Variants in GPR39 observed in about 807,000 individuals in gnomAD.
GPR39 encodes the protein G protein-coupled receptor 39, also known as zinc sensing receptor.
A neutral mutation model predicts 18.4 loss-of-function variants in GPR39; 23 were observed. That is an observed-to-expected ratio of 1.25 (90% CI 0.90 to 1.77). The LOEUF (loss-of-function observed/expected upper bound fraction) is 1.77. GPR39 is among the 40% of genes most tolerant of loss of function. GPR39 has a pLI of 0.00. For synonymous variants in GPR39, 280 were observed against 257.9 expected (o/e 1.09, Z -0.82); for missense variants, 647 against 602.4 (o/e 1.07, Z -0.78).
intron 1 of GPR39, among the ~76,000 whole-genome samples, chr2:132,466,320 T>G (rs772271508): frequency 3.9e-5 from 6 of 152,242 alleles, no homozygotes; most frequent in Non-Finnish European, 8.8e-5. Flanking sequence ...TCACAACATT[T>G]AAAAAGAAAG....
chr2:132,617,533 C>A (rs1681359128), intron 1 of GPR39, among the ~76,000 whole-genome samples: 1 of 151,974 alleles, frequency 6.6e-6, no homozygotes. Flanking sequence ...TGTTTATTGC[C>A]ATTAGTATTA....
intron 1 of GPR39, among the ~76,000 whole-genome samples, chr2:132,563,774 G>T (rs1244057910): frequency 6.6e-6 from 1 of 152,170 alleles, no homozygotes; most frequent in Non-Finnish European, 1.5e-5. Flanking sequence ...CTGTTTTTTG[G>T]CACTGGTATT....
Position 132,645,327 on chromosome 2 carries a change from CCGCCTGT to C in GPR39, c.1087_1093del (p.Leu363CysfsTer46). 1 of 1,614,188 alleles carries C rather than the reference CCGCCTGT, an allele frequency of 6.2e-7. No individual in the cohort carries two copies. The highest frequency in any genetic ancestry group is 8.5e-7 in the Non-Finnish European group (1 of 1,180,036). ...GGGTGTTCGTGCAGGTGCTGTGCTGCCGCCTGTCGCTGCAGCACGCCAACCACGAGAA... is the reference window on the plus strand; with the variant it reads ...GGGTGTTCGTGCAGGTGCTGTGCTGCCGCTGCAGCACGCCAACCACGAGAA... On this transcript the variant is annotated frameshift_variant, in exon 2 of 2. Transcript: ENST00000329321. LOFTEE classifies it low-confidence loss of function (END_TRUNC).
chr2:132,458,120 A>G (rs931465829), intron 1 of GPR39, among the ~76,000 whole-genome samples: 1 of 151,942 alleles, frequency 6.6e-6, no homozygotes, highest in Non-Finnish European at 1.5e-5. Flanking sequence ...GCTTCAGCTC[A>G]CCCTCTGTGG....
chr2:132,600,078 G>A lies in GPR39; in HGVS notation c.857-45023G>A, dbSNP rs183769242. Among the ~76,000 whole-genome samples the A allele has an allele frequency of 8.5e-5, 13 of 152,246 alleles. No homozygotes were observed. The East Asian group carries it at 1.4e-3, about 16-fold the overall frequency. On this transcript the variant is annotated intron_variant, in intron 1 of 1. Coordinates refer to ENST00000329321, the MANE Select transcript of GPR39 (RefSeq NM_001508.3). ...TGGAGGTTACCATTATCTTGGCTAC[G>A]CAGAAGCCCTATGAAAAAGTAATCA...
At chr2:132,618,140 A>G (rs995728791) in intron 1 of GPR39, among the ~76,000 whole-genome samples, 5 of 152,160 alleles carry the variant, frequency 3.3e-5, no homozygotes, top group African/African-American at 1.2e-4. Context: ...GAAAAAGAAG[A>G]CATTCCCTAA....
At chr2:132,429,426 T>C (rs1294689650) in intron 1 of GPR39, among the ~76,000 whole-genome samples, 2 of 152,256 alleles carry the variant, frequency 1.3e-5, no homozygotes, top group African/African-American at 4.8e-5. Context: ...TTTTTATCTC[T>C]GGGAAATTTC....
chr2:132,605,711 A>G (rs72985815), intron 1 of GPR39, among the ~76,000 whole-genome samples: 2,667 of 152,300 alleles, frequency 0.018, 90 homozygotes, highest in African/African-American at 0.058. Flanking sequence ...TGAATCCAGC[A>G]GTGCCTTGCT....
chr2:132,638,423 A>T (rs1681802952), intron 1 of GPR39, among the ~76,000 whole-genome samples: 1 of 152,218 alleles, frequency 6.6e-6, no homozygotes, highest in Admixed American at 6.5e-5. Flanking sequence ...AGGGCTTGTT[A>T]ACCCCAGATT....
At chr2:132,540,833 C>T (rs1392675777) in intron 1 of GPR39, among the ~76,000 whole-genome samples, 1 of 152,128 alleles carries the variant, frequency 6.6e-6, no homozygotes, top group East Asian at 1.9e-4. Flanking sequence ...TGAAACTGGG[C>T]TGGGGCTGGA....
At chr2:132,455,892 C>T (rs1329653543) in intron 1 of GPR39, among the ~76,000 whole-genome samples, 1 of 152,168 alleles carries the variant, frequency 6.6e-6, no homozygotes, top group African/African-American at 2.4e-5. Context: ...GAGTGCTTTA[C>T]TTACAATTAT....
At chr2:132,473,484 T>A (rs1242936521) in intron 1 of GPR39, among the ~76,000 whole-genome samples, 1 of 152,170 alleles carries the variant, frequency 6.6e-6, no homozygotes, top group Non-Finnish European at 1.5e-5. Flanking sequence ...GCCCTAAAGC[T>A]ATTATGTTGA....
chr2:132,581,588 A>G (rs1055437620), intron 1 of GPR39, among the ~76,000 whole-genome samples: 9 of 152,078 alleles, frequency 5.9e-5, no homozygotes, highest in African/African-American at 1.9e-4. Flanking sequence ...CAGGCACTGA[A>G]CCCCCATCCC....
chr2:132,435,480 G>A (rs191025400), intron 1 of GPR39, among the ~76,000 whole-genome samples: 20 of 152,120 alleles, frequency 1.3e-4, no homozygotes, highest in East Asian at 1.2e-3. Flanking sequence ...TGTGTTAATC[G>A]ACTGTTTGTT....
intron 1 of GPR39, among the ~76,000 whole-genome samples, chr2:132,482,736 A>G (rs1025492299): frequency 6.6e-6 from 1 of 152,132 alleles, no homozygotes; most frequent in Admixed American, 6.6e-5. Flanking sequence ...GTGAACCTAT[A>G]TTTTCTTACT....
intron 1 of GPR39, among the ~76,000 whole-genome samples, chr2:132,576,270 C>T (rs1680525797): frequency 6.6e-6 from 1 of 152,072 alleles, no homozygotes; most frequent in South Asian, 2.1e-4. Context: ...TCTTTTTCTC[C>T]TCTTAACAGG....
At position 132,582,920 on chromosome 2, in the gene GPR39, T is replaced by C. The variant is rs1051601822; in HGVS notation, c.857-62181T>C. Among the ~76,000 whole-genome samples the C allele has an allele frequency of 4.1e-3, 567 of 138,134 alleles. 2 individuals are homozygous for C. The highest frequency in any genetic ancestry group is 0.013 in the African/African-American group (502 of 38,620). The allele number at this position is 138,134 out of a possible 152,430, so 90.6% of individuals were successfully genotyped here. ...AGAATTAGATTTCTTTCTTTCTTTT[T>C]TTTTTTTTTTTTTTTTTGGAGATAG... is the stretch of plus-strand genomic sequence containing the variant. On this transcript the variant is annotated intron_variant, in intron 1 of 1. Transcript: ENST00000329321.
intron 1 of GPR39, among the ~76,000 whole-genome samples, chr2:132,478,880 G>A (rs532158631): frequency 1.6e-3 from 245 of 151,776 alleles, no homozygotes; most frequent in African/African-American, 5.6e-3. Flanking sequence ...CACTAGAAGG[G>A]TAAATACAAT....
chr2:132,472,950 G>A (rs1681060140), intron 1 of GPR39, among the ~76,000 whole-genome samples: 1 of 151,842 alleles, frequency 6.6e-6, no homozygotes, highest in Non-Finnish European at 1.5e-5. Context: ...TCTCATATTT[G>A]AGCTTGCCCA....
Sources: allele counts gnomAD v4.1 joint callset (sites outside exome capture counted in the v4.1 genomes callset), GRCh38; gene constraint gnomAD v4.1.1; transcripts MANE v1.5; gene names NCBI Gene and HGNC (gene_info 2026-07-23, HGNC 2026-07-21).